Variants in FOXN3 observed in about 807,000 individuals in gnomAD.
FOXN3 encodes forkhead box N3, also known as forkhead box protein N3.
FOXN3 carries 7 observed loss-of-function variants against 38.4 expected under a neutral mutation model. The ratio of observed to expected loss-of-function variants is 0.18; its 90% confidence interval spans 0.10 to 0.34. The LOEUF is 0.34. Among genes scored for constraint, FOXN3 ranks in the 10% least tolerant of loss-of-function variants. The probability of loss-of-function intolerance (pLI) is 1.00; values close to 1 mark genes in which losing one functional copy is unlikely to be tolerated. For synonymous variants in FOXN3, 230 were observed against 242.2 expected, an observed-to-expected ratio of 0.95 and a Z score of 0.47; for missense variants, 456 against 613.4, an observed-to-expected ratio of 0.74 and a Z score of 2.71.
In FOXN3 at chr14:89,161,556, C is replaced by CGTGTGTGTGTGTGTGTGTGTGTGTGT. The variant is rs368359011; in HGVS notation, c.*832_*857dup. The CGTGTGTGTGTGTGTGTGTGTGTGTGT allele has an allele frequency of 8.2e-5, 9 of 109,390 alleles. No homozygotes were observed. The highest frequency in any genetic ancestry group is 2.8e-4 in the African/African-American group (9 of 32,510). The allele number at this position is 109,390 out of a possible 1,614,324, so 6.8% of individuals were successfully genotyped here. A position where few individuals can be genotyped will look rare whatever the true frequency, so the allele number is the denominator to read the frequency against. On this transcript the variant is annotated 3_prime_UTR_variant, in exon 6 of 6. Coordinates refer to ENST00000557258, the MANE Select transcript of FOXN3 (RefSeq NM_005197.4). Reference sequence around the variant, plus strand: ...CCATCAGTTTTCTCTCTCTCTCCTTCGTGTGTGTGTGTGTGTGTGTGTGTG... The same window carrying CGTGTGTGTGTGTGTGTGTGTGTGTGT: ...CCATCAGTTTTCTCTCTCTCTCCTTCGTGTGTGTGTGTGTGTGTGTGTGTGTGTGTGTGTGTGTGTGTGTGTGTGTG...
At chr14:89,541,872 A>G (rs1894796005) in intron 1 of FOXN3, among the ~76,000 whole-genome samples, 1 of 152,140 alleles carries the variant, frequency 6.6e-6, no homozygotes, top group Non-Finnish European at 1.5e-5. Context: ...AAAACTGGGC[A>G]CATGGAACTA....
Position 89,162,488 on chromosome 14 carries a change from G to C in FOXN3, c.1333C>G (p.Arg445Gly). Residue 445 changes from arginine to glycine, a missense_variant, in exon 6 of 6, where the codon CGG becomes GGG. Around this residue, in one of 3 missense-constraint regions of FOXN3, gnomAD observed 386 missense variants for 505.2 expected, o/e 0.76. Coordinates refer to ENST00000557258, the MANE Select transcript of FOXN3 (RefSeq NM_005197.4). The surrounding 1 kb of genome is among the most constrained non-coding windows in gnomAD (Gnocchi z 7.2). Reference protein sequence around the residue: ...AGSLLHLAGIRSCLNNITNRT... With the variant: ...AGSLLHLAGIGSCLNNITNRT... The stretch of plus-strand genomic sequence containing the variant: ...TTGGTGATGTTATTCAAACAGGACC[G>C]GATCCCTGCTAAGTGCAGGAGGGAC... 2 of 1,612,940 alleles carry C rather than the reference G, an allele frequency of 1.2e-6. No individual in the cohort carries two copies. Among genetic ancestry groups the C allele is most frequent in the Non-Finnish European group, 1.7e-6 (2 of 1,179,758 alleles).
At chr14:89,426,021 T>C (rs1892018719) in intron 1 of FOXN3, among the ~76,000 whole-genome samples, 1 of 152,036 alleles carries the variant, frequency 6.6e-6, no homozygotes, top group Non-Finnish European at 1.5e-5. Context: ...TCAGCAGTGC[T>C]TGGGCTCCGT....
At position 89,162,599 on chromosome 14, in the gene FOXN3, C is replaced by A. The variant is rs1298588714; in HGVS notation, c.1222G>T (p.Val408Phe). 6.2e-7 allele frequency: 1 copy of A among 1,613,836 alleles called. No homozygotes were observed. The highest frequency in any genetic ancestry group is 1.1e-5 in the South Asian group (1 of 91,026). ...KRQHFAKARKVPSDTLPLKKR... is the reference protein window; with the variant it reads ...KRQHFAKARKFPSDTLPLKKR... ...TTGAGGGGCAGTGTGTCGCTGGGGA[C>A]CTTCCTGGCCTTGGCGAAGTGCTGG... Residue 408 changes from valine (V) to phenylalanine (F), a missense_variant, in exon 6 of 6, where the codon GTC (valine) becomes TTC (phenylalanine). By Grantham distance (50) the Val-to-Phe change is conservative. This residue lies in a region of FOXN3 where 386 missense variants were observed against 505.2 expected (regional missense o/e 0.76). Transcript: ENST00000557258. This position sits in a 1 kb window ranked among gnomAD's most constrained non-coding sequence, Gnocchi z 7.2.
chr14:89,499,842 G>A (rs1163094696), intron 1 of FOXN3, among the ~76,000 whole-genome samples: 1 of 152,122 alleles, frequency 6.6e-6, no homozygotes, highest in African/African-American at 2.4e-5. Flanking sequence ...CTCCCAGTTG[G>A]GGTTGCAGCC....
rs1304469225 is a variant in FOXN3, at chr14:89,297,492, G to C, written c.681-16478C>G. 2.0e-5 allele frequency among the ~76,000 whole-genome samples: 3 copies of C among 151,260 alleles called. No homozygotes were observed. In the South Asian group the frequency reaches 6.3e-4, roughly 32 times the overall value. On this transcript the variant is annotated intron_variant, in intron 3 of 5. Transcript: ENST00000557258. ...AGAGAATGGCGTGAAACTGGGAGGCGGAGCTTGCAGTGAGCCGAGATTGCG... is the reference window on the plus strand; with the variant it reads ...AGAGAATGGCGTGAAACTGGGAGGCCGAGCTTGCAGTGAGCCGAGATTGCG...
chr14:89,214,585 A>G (rs1884211065), intron 4 of FOXN3, among the ~76,000 whole-genome samples: 2 of 152,216 alleles, frequency 1.3e-5, no homozygotes, highest in South Asian at 4.1e-4. Context: ...TCTTCACTCA[A>G]TTACGGCCGT....
intron 1 of FOXN3, among the ~76,000 whole-genome samples, chr14:89,546,293 T>C (rs1409617479): frequency 6.7e-6 from 1 of 150,286 alleles, no homozygotes; most frequent in African/African-American, 2.4e-5. Flanking sequence ...GAGGAAATGA[T>C]TTTTTCCCAA....
At chr14:89,503,763 C>G (rs1040904376) in intron 1 of FOXN3, among the ~76,000 whole-genome samples, 2 of 152,158 alleles carry the variant, frequency 1.3e-5, no homozygotes, top group Non-Finnish European at 2.9e-5. Flanking sequence ...TGTTTGGTCA[C>G]TGGTGAAGGA....
intron 1 of FOXN3, among the ~76,000 whole-genome samples, chr14:89,543,365 T>C (rs142254955): frequency 7.2e-4 from 110 of 152,272 alleles, no homozygotes; most frequent in Non-Finnish European, 1.2e-3. Flanking sequence ...CTGTGCTAAG[T>C]AATATTAATA....
At chr14:89,262,432 T>C (rs980525052) in intron 4 of FOXN3, among the ~76,000 whole-genome samples, 6 of 152,228 alleles carry the variant, frequency 3.9e-5, no homozygotes, top group Non-Finnish European at 4.4e-5. Flanking sequence ...TAGGAAATAC[T>C]ATTTAAACTA....
intron 4 of FOXN3, among the ~76,000 whole-genome samples, chr14:89,201,439 C>T (rs1888231719): frequency 6.6e-6 from 1 of 152,214 alleles, no homozygotes; most frequent in Non-Finnish European, 1.5e-5. Flanking sequence ...AAGCTCACCG[C>T]CCAGGAGGGG....
intron 1 of FOXN3, among the ~76,000 whole-genome samples, chr14:89,508,883 T>A (rs571281008): frequency 2.0e-5 from 3 of 152,296 alleles, no homozygotes; most frequent in East Asian, 3.9e-4. Flanking sequence ...CCTTATGATT[T>A]TAGGCCTTTC....
At chr14:89,358,774 G>A (rs1889338609) in intron 2 of FOXN3, among the ~76,000 whole-genome samples, 1 of 152,228 alleles carries the variant, frequency 6.6e-6, no homozygotes, top group Non-Finnish European at 1.5e-5. Flanking sequence ...ACATTATTGT[G>A]CTTTCAAAGG....
intron 1 of FOXN3, among the ~76,000 whole-genome samples, chr14:89,500,130 G>C (rs149009376): frequency 0.038 from 5,815 of 152,214 alleles, 358 homozygotes; most frequent in African/African-American, 0.13. Flanking sequence ...TGGGGTTACA[G>C]GCGTGAGCCA....
chr14:89,528,376 C>CTTTTGTTTTT (rs1894474781), intron 1 of FOXN3, among the ~76,000 whole-genome samples: 1 of 53,550 alleles, frequency 1.9e-5, no homozygotes, highest in Admixed American at 3.4e-4. Context: ...ATGGATGAAT[C>CTTTTGTTTTT]TTTTTTTTTT....
At position 89,180,573 on chromosome 14, in the gene FOXN3, C is replaced by T. The variant is rs953921513; in HGVS notation, c.851+128G>A. ...GGGGTTACTTTCACATTTCTGAGCA[C>T]GCAAACCAGGTTTATTGCTGTCACT... On this transcript the variant is annotated intron_variant, in intron 5 of 5. Coordinates refer to ENST00000557258, the MANE Select transcript of FOXN3 (RefSeq NM_005197.4). 2.6e-4 allele frequency: 154 copies of T among 583,514 alleles called. 1 individual carries two copies. Among genetic ancestry groups the T allele is most frequent in the Non-Finnish European group, 1.4e-4 (49 of 355,422 alleles). The allele number at this position is 583,514 out of a possible 1,614,324, so 36.1% of individuals were successfully genotyped here. A position where few individuals can be genotyped will look rare whatever the true frequency, so the allele number is the denominator to read the frequency against.
intron 1 of FOXN3, among the ~76,000 whole-genome samples, chr14:89,518,540 T>TC (rs1894253135): frequency 6.6e-6 from 1 of 152,118 alleles, no homozygotes; most frequent in Admixed American, 6.6e-5. Context: ...TTCTCCCTCC[T>TC]CCCTCCCCAC....
At chr14:89,472,826 G>A (rs1320359806) in intron 1 of FOXN3, among the ~76,000 whole-genome samples, 1 of 151,614 alleles carries the variant, frequency 6.6e-6, no homozygotes, top group Non-Finnish European at 1.5e-5. Context: ...ATTATCAGAT[G>A]CCAGACTTCT....
Sources: allele counts gnomAD v4.1 joint callset (sites outside exome capture counted in the v4.1 genomes callset), GRCh38; gene constraint gnomAD v4.1.1; regional missense constraint gnomAD v4.1.1; non-coding constraint Gnocchi (gnomAD v3.1); transcripts MANE v1.5; gene names NCBI Gene and HGNC (gene_info 2026-07-23, HGNC 2026-07-21).